HTT: variants seen among roughly 807,000 people sequenced by gnomAD.
HTT encodes the protein huntington disease protein.
Under a neutral mutation model 362.3 loss-of-function variants are expected in HTT, and 104 were observed. The observed-to-expected ratio is 0.29, with a 90% CI of 0.24 to 0.34. The LOEUF (loss-of-function observed/expected upper bound fraction) is 0.34, where lower values mean the gene tolerates loss of function less well. Among genes scored for constraint, HTT ranks in the 10% least tolerant of loss-of-function variants. The pLI is 1.00. For synonymous variants in HTT, 1,577 were observed against 1,548.7 expected (o/e 1.02, Z -0.43); for missense variants, 3,301 against 3,928.6 (o/e 0.84, Z 4.27).
intron 5 of HTT, among the ~76,000 whole-genome samples, chr4:3,106,462 T>G (rs1714431235): frequency 6.6e-6 from 1 of 152,240 alleles, no homozygotes; most frequent in Non-Finnish European, 1.5e-5. Flanking sequence ...TAAAAAAATG[T>G]GTTATATTTC....
chr4:3,109,920 G>A (rs1714660687), intron 6 of HTT, among the ~76,000 whole-genome samples: 1 of 152,116 alleles, frequency 6.6e-6, no homozygotes, highest in Non-Finnish European at 1.5e-5. Context: ...ATGGAGGTGG[G>A]GGCTACAGTG....
chr4:3,105,467 G>T (rs1381530450), intron 5 of HTT, 31 bp downstream of exon 5: 1 of 1,415,184 alleles, frequency 7.1e-7, no homozygotes, highest in Admixed American at 1.7e-5. Context: ...GTTGGTTTTT[G>T]TCGGGGGCCA....
chr4:3,187,609 C>CT (rs774149786), intron 38 of HTT, 42 bp from the exon 39 acceptor site: 16 of 1,449,686 alleles, frequency 1.1e-5, no homozygotes, highest in Non-Finnish European at 1.5e-5. Context: ...TTTAATCTTC[C>CT]TTTTTTCTTC....
At chr4:3,094,699 G>A (rs1713741713) in intron 2 of HTT, among the ~76,000 whole-genome samples, 1 of 123,248 alleles carries the variant, frequency 8.1e-6, no homozygotes. Flanking sequence ...GGGGCGGCTG[G>A]CCGGGCGGGG....
rs761061884 is a variant in HTT at position 3,187,628 on chromosome 4, CTTATGTA to C, written c.4990-16_4990-10del. The C allele has an allele frequency of 3.9e-6, 6 of 1,550,620 alleles. No individual in the cohort carries two copies. In the African/African-American group the frequency reaches 5.5e-5, roughly 14 times the overall value. On this transcript the variant is annotated splice_polypyrimidine_tract_variant and intron_variant, in intron 38 of 66. Coordinates refer to ENST00000355072, the MANE Select transcript of HTT (RefSeq NM_001388492.1). The stretch of plus-strand genomic sequence containing the variant: ...ATCTTCCTTTTTTCTTCAGCTGTGA[CTTATGTA>C]TTATGTTTATTTTAGGCGTCCGTGA...
intron 54 of HTT, among the ~76,000 whole-genome samples, chr4:3,222,896 G>A (rs1377538723): frequency 1.3e-5 from 2 of 152,142 alleles, no homozygotes; most frequent in Admixed American, 6.5e-5. Flanking sequence ...AAGTGTTCAC[G>A]TACATTACGC....
chr4:3,091,513 G>A (rs551840119), intron 2 of HTT, among the ~76,000 whole-genome samples: 94 of 152,308 alleles, frequency 6.2e-4, no homozygotes, highest in African/African-American at 9.1e-4. Flanking sequence ...AAAGTAAATT[G>A]AACTTGGGGA....
At chr4:3,125,026 A>G (rs1715458737) in intron 10 of HTT, among the ~76,000 whole-genome samples, 1 of 152,214 alleles carries the variant, frequency 6.6e-6, no homozygotes, top group Non-Finnish European at 1.5e-5. Context: ...TTCAAATGAA[A>G]TATTATTTCA....
At chr4:3,170,652 A>T (rs555997571) in intron 29 of HTT, among the ~76,000 whole-genome samples, 1 of 152,212 alleles carries the variant, frequency 6.6e-6, no homozygotes, top group South Asian at 2.1e-4. Flanking sequence ...CACCTCTTCA[A>T]TTCAGAGGGT....
intron 1 of HTT, among the ~76,000 whole-genome samples, chr4:3,082,985 G>A (rs978006480): frequency 6.6e-5 from 10 of 152,192 alleles, no homozygotes; most frequent in Non-Finnish European, 1.3e-4. Context: ...TGGTTAGAAG[G>A]TGACATTTGA....
At position 3,238,195 on chromosome 4, in the gene HTT, G is replaced by A. The variant is rs148572273; in HGVS notation, c.8892-252G>A. Among the ~76,000 whole-genome samples, 307 of 152,276 alleles carry A rather than the reference G, an allele frequency of 2.0e-3. 3 individuals are homozygous for A. The highest frequency in any genetic ancestry group is 7.2e-3 in the African/African-American group (300 of 41,570). Reference sequence around the variant, plus strand: ...TACAGGGTGTGGGAGCCCAGGGCCTGTGCCGAGCAGCCTGCCTCCACGAGC... The same window carrying A: ...TACAGGGTGTGGGAGCCCAGGGCCTATGCCGAGCAGCCTGCCTCCACGAGC... On this transcript the variant is annotated intron_variant, in intron 64 of 66. Transcript: ENST00000355072.
chr4:3,164,394 T>G (rs1717596851), intron 29 of HTT, among the ~76,000 whole-genome samples: 2 of 152,212 alleles, frequency 1.3e-5, no homozygotes, highest in Non-Finnish European at 1.5e-5. Context: ...GAGAAGAATG[T>G]ATGTTCTGTT....
chr4:3,223,312 C>T lies in HTT; in HGVS notation c.7471-94C>T, dbSNP rs1720762547. 4.0e-6 allele frequency: 5 copies of T among 1,259,438 alleles called. No homozygotes were observed. The South Asian group carries it at 7.9e-5, about 20-fold the overall frequency. The allele number at this position is 1,259,438 out of a possible 1,614,324, so 78.0% of individuals were successfully genotyped here. A position where few individuals can be genotyped will look rare whatever the true frequency, so the allele number is the denominator to read the frequency against. On this transcript the variant is annotated intron_variant, in intron 54 of 66. Coordinates refer to ENST00000355072, the MANE Select transcript of HTT (RefSeq NM_001388492.1). ...TTTGGTAGCACTTAAGGCTCCTCTT[C>T]CTCCCATTGAGGCAGGGAAGACTCT... is the stretch of plus-strand genomic sequence containing the variant.
intron 18 of HTT, among the ~76,000 whole-genome samples, chr4:3,133,325 A>C (rs1406245712): frequency 7.9e-6 from 1 of 126,178 alleles, no homozygotes; most frequent in Non-Finnish European, 1.6e-5. Flanking sequence ...ACAGAAAATT[A>C]AAAAAAAAAA....
At chr4:3,096,664 G>T (rs1373372938) in intron 2 of HTT, among the ~76,000 whole-genome samples, 1 of 152,186 alleles carries the variant, frequency 6.6e-6, no homozygotes, top group Non-Finnish European at 1.5e-5. Context: ...TGGATTGACT[G>T]ATATAAAAAC....
chr4:3,228,576 G>A lies in HTT; in HGVS notation c.7849-39G>A, dbSNP rs998585518. Reference sequence around the variant, plus strand: ...ACCCACCCACCAGGAGCCTGGCACTGTGGCCGCAGCACTGAGCAGTGCCCC... The same window carrying A: ...ACCCACCCACCAGGAGCCTGGCACTATGGCCGCAGCACTGAGCAGTGCCCC... On this transcript the variant is annotated intron_variant, in intron 57 of 66. Transcript: ENST00000355072. This position sits in a 1 kb window ranked among gnomAD's most constrained non-coding sequence, Gnocchi z 4.3. 11 of 1,516,988 alleles carry A rather than the reference G, an allele frequency of 7.3e-6. No homozygotes were observed. The highest frequency in any genetic ancestry group is 2.6e-5 in the South Asian group (2 of 75,726). The allele number at this position is 1,516,988 out of a possible 1,614,324, so 94.0% of individuals were successfully genotyped here. A position where few individuals can be genotyped will look rare whatever the true frequency, so the allele number is the denominator to read the frequency against.
intron 3 of HTT, among the ~76,000 whole-genome samples, chr4:3,103,212 A>G (rs1355758885): frequency 3.6e-5 from 5 of 140,360 alleles, no homozygotes; most frequent in Non-Finnish European, 1.5e-5. Flanking sequence ...TATAAATCCT[A>G]TATATATAAT....
intron 40 of HTT, among the ~76,000 whole-genome samples, chr4:3,191,575 A>G (rs573927809): frequency 4.6e-5 from 7 of 152,360 alleles, no homozygotes; most frequent in African/African-American, 1.7e-4. Context: ...TCTGATGAAT[A>G]TAAAAGGAAA....
intron 29 of HTT, among the ~76,000 whole-genome samples, chr4:3,160,830 C>A (rs182738009): frequency 6.6e-6 from 1 of 152,070 alleles, no homozygotes; most frequent in Non-Finnish European, 1.5e-5. Flanking sequence ...TCTGACTTAT[C>A]TCACAGAAAG....
Sources: gnomAD v4.1 joint callset for allele counts (sites outside exome capture counted in the v4.1 genomes callset) on GRCh38, gnomAD v4.1.1 for gene constraint, Gnocchi (gnomAD v3.1) non-coding constraint, MANE v1.5 for transcripts, NCBI Gene and HGNC (gene_info 2026-07-23, HGNC 2026-07-21) for gene names.